LRP1B: variants seen among roughly 807,000 people sequenced by gnomAD.
The protein encoded by LRP1B is low-density lipoprotein receptor-related protein 1B.
In LRP1B, 217 loss-of-function variants were observed where a neutral mutation model predicts 556.6. That is an observed-to-expected ratio of 0.39 (90% CI 0.35 to 0.44). The LOEUF (loss-of-function observed/expected upper bound fraction) is 0.44. LRP1B is among the 20% of genes least tolerant of loss of function. The probability of loss-of-function intolerance (pLI) is 1.00; values close to 1 mark genes in which losing one functional copy is unlikely to be tolerated. For missense variants in LRP1B, 5,053 were observed against 5,620.8 expected, an observed-to-expected ratio of 0.90 and a Z score of 3.23; for synonymous variants, 2,047 against 1,865.8, an observed-to-expected ratio of 1.10 and a Z score of -2.50.
At chr2:140,955,589 A>G (rs909075891) in intron 18 of LRP1B, among the ~76,000 whole-genome samples, 8 of 151,850 alleles carry the variant, frequency 5.3e-5, no homozygotes, top group African/African-American at 1.9e-4. Context: ...TAAACCTCAT[A>G]GAATATTTAA....
intron 2 of LRP1B, among the ~76,000 whole-genome samples, chr2:141,573,373 A>G (rs944893111): frequency 2.6e-5 from 4 of 152,182 alleles, no homozygotes; most frequent in African/African-American, 4.8e-5. Flanking sequence ...TAAGGCAAAA[A>G]TCAAGAAGTT....
chr2:141,710,521 T>C (rs1177711920), intron 2 of LRP1B, among the ~76,000 whole-genome samples: 2 of 152,162 alleles, frequency 1.3e-5, no homozygotes, highest in Non-Finnish European at 2.9e-5. Context: ...AGGATTAGGT[T>C]CTTCCACTCA....
chr2:142,092,352 T>A (rs1199105658), intron 1 of LRP1B, among the ~76,000 whole-genome samples: 1 of 152,040 alleles, frequency 6.6e-6, no homozygotes, highest in African/African-American at 2.4e-5. Flanking sequence ...TTTTTTGGCA[T>A]ATTAGTATTT....
At chr2:140,450,073 T>C (rs1686823667) in intron 63 of LRP1B, among the ~76,000 whole-genome samples, 1 of 152,160 alleles carries the variant, frequency 6.6e-6, no homozygotes, top group South Asian at 2.1e-4. Context: ...ACATATTAAA[T>C]TACCTAATGG....
rs1054948835 is a variant in LRP1B, at chr2:141,278,415, C to G, written c.344-23774G>C. On this transcript the variant is annotated intron_variant, in intron 3 of 90. Transcript: ENST00000389484. ...TCAGCTGCAGAAGAAGGCTTTGGATCTTGTTTGTACTATGCCACGTTAGAA... is the reference window on the plus strand; with the variant it reads ...TCAGCTGCAGAAGAAGGCTTTGGATGTTGTTTGTACTATGCCACGTTAGAA... Among the ~76,000 whole-genome samples, 3 of 152,116 alleles carry G rather than the reference C, an allele frequency of 2.0e-5. No homozygotes were observed. The East Asian group carries it at 5.8e-4, about 29-fold the overall frequency.
intron 2 of LRP1B, among the ~76,000 whole-genome samples, chr2:141,713,880 C>G (rs768412630): frequency 6.6e-6 from 1 of 152,066 alleles, no homozygotes; most frequent in Non-Finnish European, 1.5e-5. Flanking sequence ...AATCACACAC[C>G]GCGTCTTTTT....
intron 50 of LRP1B, 73 bp from the exon 51 acceptor site, chr2:140,514,845 T>G (rs926984440): frequency 4.4e-5 from 60 of 1,373,238 alleles, no homozygotes; most frequent in Non-Finnish European, 5.6e-5. Context: ...GTGAGAAGAT[T>G]CTTTCTTAGA....
chr2:141,145,868 T>C (rs1438935358), intron 7 of LRP1B, among the ~76,000 whole-genome samples: 1 of 151,498 alleles, frequency 6.6e-6, no homozygotes, highest in Non-Finnish European at 1.5e-5. Flanking sequence ...ATTCAAAATA[T>C]GTCTTTTACA....
intron 1 of LRP1B, among the ~76,000 whole-genome samples, chr2:141,917,662 T>A (rs935107209): frequency 6.6e-6 from 1 of 152,176 alleles, no homozygotes; most frequent in East Asian, 1.9e-4. Context: ...ATCCAATTCG[T>A]TGGATGTTAG....
chr2:140,330,723 G>A (rs1573803229), intron 79 of LRP1B, among the ~76,000 whole-genome samples: 3 of 152,196 alleles, frequency 2.0e-5, no homozygotes, highest in South Asian at 2.1e-4. Context: ...TTGACAAATA[G>A]GATCTAGTTT....
At chr2:141,388,051 A>C (rs1323726645) in intron 3 of LRP1B, among the ~76,000 whole-genome samples, 1 of 152,216 alleles carries the variant, frequency 6.6e-6, no homozygotes, top group East Asian at 1.9e-4. Flanking sequence ...TGTTTTATTA[A>C]TATATATTAC....
intron 2 of LRP1B, among the ~76,000 whole-genome samples, chr2:141,492,975 T>G (rs1025861259): frequency 6.6e-6 from 1 of 152,182 alleles, no homozygotes; most frequent in Non-Finnish European, 1.5e-5. Flanking sequence ...CTTTATTGCA[T>G]TCTGTAAAAG....
chr2:141,500,503 A>C (rs1239826331), intron 2 of LRP1B, among the ~76,000 whole-genome samples: 3 of 152,182 alleles, frequency 2.0e-5, no homozygotes, highest in Non-Finnish European at 4.4e-5. Flanking sequence ...TGTTTAAAAA[A>C]TCAACAAAGG....
chr2:141,444,140 C>T (rs1399659938), intron 3 of LRP1B, among the ~76,000 whole-genome samples: 3 of 152,068 alleles, frequency 2.0e-5, no homozygotes, highest in African/African-American at 7.2e-5. Flanking sequence ...TGAAGAAGTC[C>T]TTCACATCCC....
At chr2:140,825,710 TTTTC>T (rs573034142) in intron 31 of LRP1B, among the ~76,000 whole-genome samples, 1 of 152,234 alleles carries the variant, frequency 6.6e-6, no homozygotes, top group South Asian at 2.1e-4. Context: ...GGAATTTTTT[TTTTC>T]TTTAACAGAG....
chr2:142,092,399 G>A (rs530646205), intron 1 of LRP1B, among the ~76,000 whole-genome samples: 2 of 152,136 alleles, frequency 1.3e-5, no homozygotes, highest in East Asian at 3.9e-4. Context: ...TTGTTGATGT[G>A]ACTACTTCAT....
intron 3 of LRP1B, among the ~76,000 whole-genome samples, chr2:141,361,221 A>T (rs775021233): frequency 1.4e-4 from 22 of 152,270 alleles, no homozygotes; most frequent in Non-Finnish European, 2.6e-4. Context: ...ATATTTTGAG[A>T]TCTGTTTGAC....
intron 3 of LRP1B, among the ~76,000 whole-genome samples, chr2:141,312,743 C>G (rs1469011125): frequency 6.6e-6 from 1 of 151,436 alleles, no homozygotes; most frequent in African/African-American, 2.4e-5. Context: ...GTCTGGAGTA[C>G]AGTGGCACAA....
At chr2:141,813,656 C>A (rs1201174249) in intron 1 of LRP1B, among the ~76,000 whole-genome samples, 2 of 151,814 alleles carry the variant, frequency 1.3e-5, no homozygotes, top group Admixed American at 6.6e-5. Flanking sequence ...AACAGTGTTG[C>A]AACTTTTTCA....
Sources: allele counts gnomAD v4.1 joint callset (sites outside exome capture counted in the v4.1 genomes callset), GRCh38; gene constraint gnomAD v4.1.1; transcripts MANE v1.5; gene names NCBI Gene and HGNC (gene_info 2026-07-23, HGNC 2026-07-21).